Variants in SCLT1 observed in about 807,000 individuals in gnomAD.
SCLT1 encodes sodium channel-associated protein 1.
A neutral mutation model predicts 112.8 loss-of-function variants in SCLT1; 78 were observed. That is an observed-to-expected ratio of 0.69 (90% CI 0.58 to 0.83). The LOEUF is 0.83. Among genes scored for constraint, SCLT1 ranks in the 40% least tolerant of loss-of-function variants. The pLI is 0.00. For synonymous variants in SCLT1, 257 were observed against 254.7 expected, an observed-to-expected ratio of 1.01 and a Z score of -0.09; for missense variants, 747 against 770.4, an observed-to-expected ratio of 0.97 and a Z score of 0.36.
intron 8 of SCLT1, among the ~76,000 whole-genome samples, chr4:128,994,354 T>G (rs1742827575): frequency 6.6e-6 from 1 of 152,174 alleles, no homozygotes; most frequent in Non-Finnish European, 1.5e-5. Context: ...CATAATTTCC[T>G]TCTTTTTAAA....
chr4:129,084,430 C>A (rs1579969086), intron 1 of SCLT1, among the ~76,000 whole-genome samples: 1 of 79,496 alleles, frequency 1.3e-5, no homozygotes, highest in South Asian at 7.0e-4. Context: ...TTTATAGTAC[C>A]ATAAAAAAAA....
chr4:128,877,526 A>G (rs1203860937), intron 3 of SCLT1, among the ~76,000 whole-genome samples: 1 of 152,046 alleles, frequency 6.6e-6, no homozygotes, highest in Admixed American at 6.6e-5. Flanking sequence ...CTAAAACTAC[A>G]AAAAATTAGC....
chr4:128,978,005 C>T (rs1243135675), intron 9 of SCLT1, among the ~76,000 whole-genome samples: 5 of 152,074 alleles, frequency 3.3e-5, no homozygotes, highest in Non-Finnish European at 5.9e-5. Context: ...ATCATCTGTA[C>T]ATAGAGCCAA....
At chr4:128,883,818 A>C (rs1049500939), downstream of SCLT1, among the ~76,000 whole-genome samples, 9 of 152,220 alleles carry the variant, frequency 5.9e-5, no homozygotes, top group African/African-American at 1.7e-4. Flanking sequence ...ATAGGACTTC[A>C]ATAGTTCAAT....
At chr4:128,952,248 T>C in intron 14 of SCLT1, 1 of 429,606 alleles carries the variant, frequency 2.3e-6, no homozygotes, top group South Asian at 1.7e-5. Flanking sequence ...TTTTCTCAAT[T>C]CTTGAAAATT....
chr4:128,955,261 C>G (rs1418343951), intron 13 of SCLT1, among the ~76,000 whole-genome samples: 1 of 152,202 alleles, frequency 6.6e-6, no homozygotes, highest in Non-Finnish European at 1.5e-5. Flanking sequence ...ATATCCTTCT[C>G]TCATCCTAAC....
intron 18 of SCLT1, among the ~76,000 whole-genome samples, chr4:128,900,838 A>T (rs921937229): frequency 2.0e-5 from 3 of 151,758 alleles, no homozygotes; most frequent in African/African-American, 4.8e-5. Context: ...CAAGAAAAAA[A>T]CAACCCCATC....
In SCLT1 at chr4:129,017,194, T is replaced by TG. The variant is rs573890962; in HGVS notation, c.291-13319dup. Among the ~76,000 whole-genome samples, 526 of 151,676 alleles carry TG rather than the reference T, an allele frequency of 3.5e-3. 3 individuals carry two copies. The highest frequency in any genetic ancestry group is 6.3e-3 in the South Asian group (30 of 4,792). On this transcript the variant is annotated intron_variant, in intron 5 of 20. Transcript: ENST00000281142. The stretch of plus-strand genomic sequence containing the variant: ...CAGATGAAATTTATGTGTTTTTTTG[T>TG]GGGGGGGGAATTTGTATGTGTGTAT...
At chr4:129,014,914 A>C (rs2126111058) in intron 5 of SCLT1, among the ~76,000 whole-genome samples, 1 of 152,084 alleles carries the variant, frequency 6.6e-6, no homozygotes, top group East Asian at 1.9e-4. Flanking sequence ...GGGGGCCCCT[A>C]CTGGTGACTA....
Position 128,877,942 on chromosome 4 carries a change from C to T in SCLT1, n.226-1306G>A, listed in dbSNP as rs887589648. Among the ~76,000 whole-genome samples, 7 of 152,226 alleles carry T rather than the reference C, an allele frequency of 4.6e-5. No homozygotes were observed. In the East Asian group the frequency reaches 1.4e-3, roughly 29 times the overall value. On this transcript the variant is annotated intron_variant and non_coding_transcript_variant, in intron 3 of 7. Transcript: ENST00000503565. ...TTTATGTAACACACATACATACAAA[C>T]ATATTTACAGATCAAATATATGTAT...
chr4:128,964,513 T>C (rs1740006279), intron 11 of SCLT1, among the ~76,000 whole-genome samples: 1 of 152,190 alleles, frequency 6.6e-6, no homozygotes, highest in Admixed American at 6.5e-5. Flanking sequence ...AGCTTCAGCT[T>C]GCAAGATTTT....
chr4:129,056,014 T>A (rs1639014730), intron 2 of SCLT1, among the ~76,000 whole-genome samples: 1 of 152,172 alleles, frequency 6.6e-6, no homozygotes, highest in Admixed American at 6.5e-5. Flanking sequence ...GCACAGTCCC[T>A]CATGGCTTCC....
intron 5 of SCLT1, chr4:128,873,292 GAAAA>G (rs1198041271): frequency 5.1e-5 from 6 of 117,188 alleles, no homozygotes; most frequent in Non-Finnish European, 1.1e-4. Flanking sequence ...AAAAAAAAAA[GAAAA>G]AAGAAAAAAA....
At chr4:128,899,044 C>A (rs919478997) in intron 18 of SCLT1, among the ~76,000 whole-genome samples, 4 of 152,074 alleles carry the variant, frequency 2.6e-5, no homozygotes, top group Non-Finnish European at 4.4e-5. Context: ...AGTTTACCAA[C>A]CAAAAAAAGT....
At chr4:128,994,309 A>G (rs1742823527) in intron 8 of SCLT1, among the ~76,000 whole-genome samples, 1 of 152,136 alleles carries the variant, frequency 6.6e-6, no homozygotes, top group African/African-American at 2.4e-5. Flanking sequence ...ATTTCATTTA[A>G]TGCTCTCAAA....
intron 15 of SCLT1, 106 bp downstream of exon 15, chr4:128,948,390 A>C (rs1738390517): frequency 2.1e-6 from 3 of 1,398,696 alleles, no homozygotes; most frequent in African/African-American, 1.5e-5. Flanking sequence ...CCAGGACAAT[A>C]CTAACAAATA....
At chr4:129,042,064 AG>A (rs1490831723) in intron 4 of SCLT1, among the ~76,000 whole-genome samples, 28 of 152,080 alleles carry the variant, frequency 1.8e-4, no homozygotes, top group Non-Finnish European at 4.4e-5. Context: ...TTTAATAAAA[AG>A]TCATTATACT....
At chr4:129,047,405 T>C (rs1244941048) in intron 2 of SCLT1, among the ~76,000 whole-genome samples, 10 of 152,152 alleles carry the variant, frequency 6.6e-5, no homozygotes, top group Non-Finnish European at 1.5e-5. Context: ...AATACCATAC[T>C]AACCAAATTA....
chr4:128,981,795 C>T (rs999584507), intron 9 of SCLT1, among the ~76,000 whole-genome samples: 2 of 151,538 alleles, frequency 1.3e-5, no homozygotes, highest in Non-Finnish European at 2.9e-5. Context: ...GTGCAGTCTA[C>T]AGTCGAGGCA....
Sources: allele counts gnomAD v4.1 joint callset (sites outside exome capture counted in the v4.1 genomes callset), GRCh38; gene constraint gnomAD v4.1.1; transcripts MANE v1.5; gene names NCBI Gene and HGNC (gene_info 2026-07-23, HGNC 2026-07-21).